CREBBP: variants seen among roughly 807,000 people sequenced by gnomAD.
CREBBP encodes CREB-binding protein.
Under a neutral mutation model 265.0 loss-of-function variants are expected in CREBBP, and 19 were observed. That is an observed-to-expected ratio of 0.07 (90% CI 0.05 to 0.11). The LOEUF is 0.11. Among genes scored for constraint, CREBBP ranks in the 10% least tolerant of loss-of-function variants. The probability of loss-of-function intolerance (pLI) is 1.00; values close to 1 mark genes in which losing one functional copy is unlikely to be tolerated. For missense variants in CREBBP, 2,525 were observed against 3,219.0 expected (o/e 0.78, Z 5.22); for synonymous variants, 1,457 against 1,223.7 (o/e 1.19, Z -3.98).
At position 3,726,107 on chromosome 16, in the gene CREBBP, G is replaced by T. The variant is rs540227845; in HGVS notation, c.*1611C>A. The T allele has an allele frequency of 7.7e-5, 18 of 233,266 alleles. No individual in the cohort carries two copies. Among genetic ancestry groups the T allele is most frequent in the Non-Finnish European group, 1.1e-4 (13 of 118,040 alleles). The allele number at this position is 233,266 out of a possible 1,614,324, so 14.4% of individuals were successfully genotyped here. On this transcript the variant is annotated 3_prime_UTR_variant, in exon 31 of 31. Transcript: ENST00000262367. ...CAGGGACCGGAGCTGGTGCTCCAAG[G>T]TGTCTGTCCCTCAGCATTTCCTCAA...
Position 3,850,816 on chromosome 16 carries a change from G to A in CREBBP, c.279C>T (p.Ser93=), listed in dbSNP as rs758030314. 1.9e-6 allele frequency: 3 copies of A among 1,614,132 alleles called. No individual in the cohort carries two copies. In the South Asian group the frequency reaches 3.3e-5, roughly 18 times the overall value. ...GGCCACCCAGGCCCTGCTGCACGGG[G>A]CTGCTGGCGCTCACATTTCCTATTC... is the stretch of plus-strand genomic sequence containing the variant. ...NPGIGNVSAS[S]PVQQGLGGQA... The change falls in exon 2 of 31, where the codon AGC becomes AGT. Residue 93 remains serine, a synonymous_variant. Transcript: ENST00000262367.
chr16:3,772,083 T>C (rs1401107477), intron 13 of CREBBP, among the ~76,000 whole-genome samples: 2 of 152,016 alleles, frequency 1.3e-5, no homozygotes, highest in South Asian at 2.1e-4. Context: ...AAATGACAGA[T>C]TGGGGGAGCT....
rs1490950547 is a variant in CREBBP at position 3,851,772 on chromosome 16, T to C, written c.86-763A>G. On this transcript the variant is annotated intron_variant, in intron 1 of 30. Transcript: ENST00000262367. ...GGGAGGCTGAGGCAGGAGAATGGCG[T>C]GAACCCGGGAAGCGGAGCTTGCAGT... 2.1e-5 allele frequency among the ~76,000 whole-genome samples: 3 copies of C among 144,660 alleles called. No homozygotes were observed. The Admixed American group carries it at 2.1e-4, about 10-fold the overall frequency. The allele number at this position is 144,660 out of a possible 152,430, so 94.9% of individuals were successfully genotyped here. A position where few individuals can be genotyped will look rare whatever the true frequency, so the allele number is the denominator to read the frequency against.
chr16:3,818,637 G>A (rs1024553292), intron 2 of CREBBP, among the ~76,000 whole-genome samples: 4 of 152,180 alleles, frequency 2.6e-5, no homozygotes, highest in Middle Eastern at 3.4e-3. Context: ...AGGTGGTTCC[G>A]AGGAGCCCAC....
intron 3 of CREBBP, among the ~76,000 whole-genome samples, chr16:3,805,077 T>A (rs1379011044): frequency 6.6e-6 from 1 of 152,268 alleles, no homozygotes; most frequent in East Asian, 1.9e-4. Context: ...GTTTCCCAGC[T>A]GATACTTATT....
chr16:3,769,164 C>A lies in CREBBP; in HGVS notation c.3060+10G>T, dbSNP rs398124143. ...ACGCAGTCAATGCATTCCTAGGGAG[C>A]GGCACCCACCTCAGACCTGGGCTCC... On this transcript the variant is annotated intron_variant, in intron 15 of 30. Transcript: ENST00000262367. The A allele has an allele frequency of 2.0e-5, 32 of 1,613,792 alleles. No individual in the cohort carries two copies. Among genetic ancestry groups the A allele is most frequent in the Non-Finnish European group, 2.6e-5 (31 of 1,179,984 alleles).
chr16:3,845,207 G>T (rs1426210571), intron 2 of CREBBP, among the ~76,000 whole-genome samples: 1 of 152,144 alleles, frequency 6.6e-6, no homozygotes, highest in Non-Finnish European at 1.5e-5. Flanking sequence ...TAACTCAATT[G>T]CTCTGTAGTG....
intron 2 of CREBBP, among the ~76,000 whole-genome samples, chr16:3,841,282 G>A (rs1198804586): frequency 6.6e-6 from 1 of 151,944 alleles, no homozygotes; most frequent in African/African-American, 2.4e-5. Flanking sequence ...ATGTGTTTTA[G>A]AAGCCCAAAG....
chr16:3,856,647 C>T (rs190844409), intron 1 of CREBBP, among the ~76,000 whole-genome samples: 1 of 152,292 alleles, frequency 6.6e-6, no homozygotes, highest in South Asian at 2.1e-4. Flanking sequence ...ATGCAGTGTT[C>T]CTTAACTGAT....
At chr16:3,735,279 C>T (rs1459416348) in intron 28 of CREBBP, among the ~76,000 whole-genome samples, 1 of 152,168 alleles carries the variant, frequency 6.6e-6, no homozygotes, top group Non-Finnish European at 1.5e-5. Context: ...GACACAGCCA[C>T]TCCCTTGGGG....
rs546554430 is a variant in CREBBP at position 3,729,218 on chromosome 16, C to T, written c.5829G>A (p.Pro1943=). 2,821 of 1,525,842 alleles carry T rather than the reference C, an allele frequency of 1.8e-3. 6 individuals carry two copies. Among genetic ancestry groups the T allele is most frequent in the South Asian group, 3.5e-3 (289 of 83,260 alleles). The allele number at this position is 1,525,842 out of a possible 1,614,324, so 94.5% of individuals were successfully genotyped here. The change falls in exon 31 of 31, where the codon CCG becomes CCA. Residue 1943 remains proline, a synonymous_variant. Coordinates refer to ENST00000262367, the MANE Select transcript of CREBBP (RefSeq NM_004380.3). The part of the protein sequence containing the change: ...VSTGKPTSQV[P]APPPPAQPPP... ...GGGGCTGGGCCGGGGGTGGGGGGGC[C>T]GGCACCTGGCTGGTAGGCTTCCCTG...
Position 3,810,872 on chromosome 16 carries a change from C to T in CREBBP, c.799-93G>A, listed in dbSNP as rs2053926127. The T allele has an allele frequency of 4.7e-6, 6 of 1,266,402 alleles. No homozygotes were observed. The South Asian group carries it at 7.3e-5, about 15-fold the overall frequency. 78.4% of individuals were successfully genotyped at this position (1,266,402 alleles called of 1,614,324 possible). ...TGCTCACACAGTTTCCTATGAAATA[C>T]TCATTGCAATGATAAATTCAAGGTT... On this transcript the variant is annotated intron_variant, in intron 2 of 30. Coordinates refer to ENST00000262367, the MANE Select transcript of CREBBP (RefSeq NM_004380.3).
intron 2 of CREBBP, among the ~76,000 whole-genome samples, chr16:3,822,340 G>C (rs968349818): frequency 2.0e-5 from 3 of 152,190 alleles, no homozygotes; most frequent in Non-Finnish European, 4.4e-5. Context: ...TCAGAGAAAA[G>C]GAGAAATAAA....
rs904782975 is a variant in CREBBP, at chr16:3,726,377, C to A, written c.*1341G>T. ...ACCCTAACTGTGTGAGCGACAATCACCTGTGAGCCTCGAATGTGTGGGGCC... is the reference window on the plus strand; with the variant it reads ...ACCCTAACTGTGTGAGCGACAATCAACTGTGAGCCTCGAATGTGTGGGGCC... On this transcript the variant is annotated 3_prime_UTR_variant, in exon 31 of 31. Coordinates refer to ENST00000262367, the MANE Select transcript of CREBBP (RefSeq NM_004380.3). 2 of 233,140 alleles carry A rather than the reference C, an allele frequency of 8.6e-6. No individual in the cohort carries two copies. The highest frequency in any genetic ancestry group is 4.4e-5 in the African/African-American group (2 of 45,290). The allele number at this position is 233,140 out of a possible 1,614,324, so 14.4% of individuals were successfully genotyped here.
chr16:3,860,642 T>C (rs2055053728), intron 1 of CREBBP, among the ~76,000 whole-genome samples: 1 of 152,194 alleles, frequency 6.6e-6, no homozygotes. Context: ...GATAAATACA[T>C]ACAATTTTTA....
Position 3,782,754 on chromosome 16 carries a change from C to T in CREBBP, c.1503G>A (p.Gln501=). Residue 501 remains glutamine (Q), a synonymous_variant, in exon 6 of 31, where the codon CAG becomes CAA. Coordinates refer to ENST00000262367, the MANE Select transcript of CREBBP (RefSeq NM_004380.3). ...CTGGTTGCTGGCCAGGAACCTGAGG[C>T]TGCAGCTGCGTCTGGGGCTGGTTCA... ...PYMNQPQTQL[Q]PQVPGQQPAQ... The T allele has an allele frequency of 6.2e-7, 1 of 1,614,126 alleles. No individual in the cohort carries two copies. The highest frequency in any genetic ancestry group is 1.1e-5 in the South Asian group (1 of 91,072).
chr16:3,849,473 GTGTGTGTGTGT>G (rs1567360896), intron 2 of CREBBP, among the ~76,000 whole-genome samples: 20 of 126,466 alleles, frequency 1.6e-4, no homozygotes, highest in Non-Finnish European at 2.7e-4. Flanking sequence ...GTGTGTGTGT[GTGTGTGTGTGT>G]GTGTGATGTG....
rs1386662008 is a variant in CREBBP at position 3,778,100 on chromosome 16, T to C, written c.2024A>G (p.Lys675Arg). 6.2e-7 allele frequency: 1 copy of C among 1,614,216 alleles called. No homozygotes were observed. Among genetic ancestry groups the C allele is most frequent in the Non-Finnish European group, 8.5e-7 (1 of 1,180,008 alleles). ...LEEKRRSRLH[K>R]QGILGNQPAL... Reference sequence around the variant, plus strand: ...TGGCTGGTTCCCCAAGATGCCTTGTTTATGTAAACGCGACCTCCGTTTTTC... The same window carrying C: ...TGGCTGGTTCCCCAAGATGCCTTGTCTATGTAAACGCGACCTCCGTTTTTC... The change falls in exon 10 of 31, where the codon AAA (lysine) becomes AGA (arginine). Residue 675 changes from lysine to arginine, a missense_variant. Physicochemically the swap from Lys to Arg is conservative, Grantham distance 26. Transcript: ENST00000262367.
intron 2 of CREBBP, among the ~76,000 whole-genome samples, chr16:3,822,051 T>TCACA (rs751382586): frequency 5.3e-5 from 8 of 151,722 alleles, no homozygotes; most frequent in Admixed American, 1.3e-4. Context: ...CAAGACTCTG[T>TCACA]CACACACACA....
Sources: gnomAD v4.1 joint callset for allele counts (sites outside exome capture counted in the v4.1 genomes callset) on GRCh38, gnomAD v4.1.1 for gene constraint, MANE v1.5 for transcripts, NCBI Gene and HGNC (gene_info 2026-07-23, HGNC 2026-07-21) for gene names.